The following TMEM132D variants were observed in gnomAD, a reference collection of about 807,000 sequenced individuals.
TMEM132D encodes the protein mature OL transmembrane protein.
In TMEM132D, 21 loss-of-function variants were observed where a neutral mutation model predicts 62.3. That is an observed-to-expected ratio of 0.34 (90% confidence interval 0.24 to 0.49). The LOEUF is 0.49. Ranked by LOEUF, TMEM132D falls within the 20% of genes least tolerant of loss-of-function variation. The probability of loss-of-function intolerance (pLI) is 0.99; values close to 1 mark genes in which losing one functional copy is unlikely to be tolerated. For missense variants in TMEM132D, 1,346 were observed against 1,402.8 expected (o/e 0.96, Z 0.65); for synonymous variants, 621 against 575.6 (o/e 1.08, Z -1.13).
At chr12:129,207,223 A>G (rs11060198) in intron 5 of TMEM132D, among the ~76,000 whole-genome samples, 66,236 of 150,800 alleles carry the variant, frequency 0.44, 15,667 homozygotes, top group African/African-American at 0.64. Flanking sequence ...ACGGAGCTTA[A>G]GTTCCAAGGA....
intron 5 of TMEM132D, among the ~76,000 whole-genome samples, chr12:129,171,333 C>T (rs1459998759): frequency 1.3e-5 from 2 of 152,160 alleles, no homozygotes; most frequent in Non-Finnish European, 2.9e-5. Context: ...GCTGTTTCCC[C>T]CACACCTGCA....
chr12:129,844,921 T>C lies in TMEM132D; in HGVS notation c.79+58340A>G, dbSNP rs140923961. Among the ~76,000 whole-genome samples, 484 of 152,304 alleles carry C rather than the reference T, an allele frequency of 3.2e-3. 2 individuals are homozygous for C. Among genetic ancestry groups the C allele is most frequent in the Middle Eastern group, 0.01 (3 of 294 alleles). ...TCACCTATTCATGAGACAGGAGGGA[T>C]TTCAAAACATCTGGTGATGATTATG... On this transcript the variant is annotated intron_variant, in intron 1 of 8. Transcript: ENST00000422113.
At chr12:129,871,140 T>C (rs1874227894) in intron 1 of TMEM132D, among the ~76,000 whole-genome samples, 2 of 152,168 alleles carry the variant, frequency 1.3e-5, no homozygotes, top group Admixed American at 6.5e-5. Context: ...GCAATTTCAA[T>C]GTGGGCCTTA....
chr12:129,861,811 C>T (rs1341811700), intron 1 of TMEM132D, among the ~76,000 whole-genome samples: 1 of 150,332 alleles, frequency 6.7e-6, no homozygotes, highest in Admixed American at 6.6e-5. Context: ...ACAAGATTTG[C>T]AACTTCCCCA....
At chr12:129,303,914 G>C (rs1566027184) in intron 4 of TMEM132D, among the ~76,000 whole-genome samples, 1 of 152,132 alleles carries the variant, frequency 6.6e-6, no homozygotes, top group African/African-American at 2.4e-5. Flanking sequence ...GGAGACGATG[G>C]AAGTCCCAGC....
intron 1 of TMEM132D, among the ~76,000 whole-genome samples, chr12:129,738,374 G>A (rs1202498207): frequency 6.6e-6 from 1 of 151,976 alleles, no homozygotes; most frequent in Non-Finnish European, 1.5e-5. Context: ...GGAGGAGAGA[G>A]AAAAGGGAGG....
chr12:129,872,673 T>C lies in TMEM132D; in HGVS notation c.79+30588A>G, dbSNP rs913775005. Among the ~76,000 whole-genome samples the C allele has an allele frequency of 3.3e-5, 5 of 152,180 alleles. No homozygotes were observed. In the East Asian group the frequency reaches 5.8e-4, roughly 18 times the overall value. On this transcript the variant is annotated intron_variant, in intron 1 of 8. Coordinates refer to ENST00000422113, the MANE Select transcript of TMEM132D (RefSeq NM_133448.3). ...TGTGGTTAAATCTTTGGAGCGAAAGTCAGTAAGCAGCAATCCCTGCACCAT... is the reference window on the plus strand; with the variant it reads ...TGTGGTTAAATCTTTGGAGCGAAAGCCAGTAAGCAGCAATCCCTGCACCAT...
chr12:129,518,341 C>T (rs1038472642), intron 3 of TMEM132D, among the ~76,000 whole-genome samples: 11 of 152,066 alleles, frequency 7.2e-5, no homozygotes, highest in African/African-American at 1.2e-4. Context: ...CATTTTGTTT[C>T]GTTTGCCTTT....
intron 1 of TMEM132D, among the ~76,000 whole-genome samples, chr12:129,743,392 T>G (rs1006467738): frequency 6.6e-6 from 1 of 152,148 alleles, no homozygotes; most frequent in Non-Finnish European, 1.5e-5. Flanking sequence ...TCACAGGAGA[T>G]CTGATGGTTT....
chr12:129,754,242 A>G (rs973004050), intron 1 of TMEM132D, among the ~76,000 whole-genome samples: 4 of 152,216 alleles, frequency 2.6e-5, no homozygotes, highest in Non-Finnish European at 5.9e-5. Flanking sequence ...AATCCCTATC[A>G]GATATCCAGG....
intron 3 of TMEM132D, among the ~76,000 whole-genome samples, chr12:129,435,479 TTTG>T (rs1489223129): frequency 2.0e-5 from 3 of 152,208 alleles, no homozygotes; most frequent in Non-Finnish European, 4.4e-5. Context: ...TGTGCCAGTA[TTTG>T]TTATTTTTTG....
chr12:129,612,792 G>C (rs59695145), intron 2 of TMEM132D, among the ~76,000 whole-genome samples: 1 of 152,070 alleles, frequency 6.6e-6, no homozygotes, highest in Admixed American at 6.5e-5. Flanking sequence ...TGGGCTTTTT[G>C]GAAGGCAGAG....
intron 1 of TMEM132D, among the ~76,000 whole-genome samples, chr12:129,764,359 T>G (rs1870482202): frequency 6.6e-6 from 1 of 152,160 alleles, no homozygotes; most frequent in Non-Finnish European, 1.5e-5. Flanking sequence ...GACAATATTA[T>G]AGTAGGGTTA....
intron 1 of TMEM132D, among the ~76,000 whole-genome samples, chr12:129,740,415 T>A (rs896165373): frequency 1.4e-4 from 21 of 152,148 alleles, no homozygotes; most frequent in African/African-American, 5.1e-4. Context: ...AATGCACCTG[T>A]TGCATTATCC....
At chr12:129,389,608 T>C (rs2135692989) in intron 3 of TMEM132D, among the ~76,000 whole-genome samples, 1 of 152,184 alleles carries the variant, frequency 6.6e-6, no homozygotes, top group Middle Eastern at 3.4e-3. Context: ...AAAACTAATA[T>C]TAATATGAAC....
chr12:129,762,287 T>C (rs1008772052), intron 1 of TMEM132D, among the ~76,000 whole-genome samples: 1 of 152,068 alleles, frequency 6.6e-6, no homozygotes, highest in African/African-American at 2.4e-5. Flanking sequence ...TCAAAACTAA[T>C]TTCCTAGTCC....
chr12:129,492,909 G>A (rs6486477), intron 3 of TMEM132D, among the ~76,000 whole-genome samples: 38,900 of 151,908 alleles, frequency 0.26, 4,947 homozygotes, highest in Middle Eastern at 0.31. Context: ...ACTTTCGCTG[G>A]GATGGCTGCT....
intron 4 of TMEM132D, among the ~76,000 whole-genome samples, chr12:129,230,285 T>C (rs1050551397): frequency 2.7e-5 from 4 of 149,796 alleles, no homozygotes; most frequent in Non-Finnish European, 5.9e-5. Context: ...GCCATCCCCT[T>C]CCTAAACTCC....
At chr12:129,513,326 G>A (rs1362069164) in intron 3 of TMEM132D, among the ~76,000 whole-genome samples, 1 of 152,094 alleles carries the variant, frequency 6.6e-6, no homozygotes, top group Non-Finnish European at 1.5e-5. Flanking sequence ...TTACTACCAT[G>A]AGCACAGCAC....
Sources: gnomAD v4.1 joint callset for allele counts (sites outside exome capture counted in the v4.1 genomes callset) on GRCh38, gnomAD v4.1.1 for gene constraint, MANE v1.5 for transcripts, NCBI Gene and HGNC (gene_info 2026-07-23, HGNC 2026-07-21) for gene names.